The following LOC400499 variants were observed in gnomAD, a reference collection of about 807,000 sequenced individuals.
At chr16:11,411,306 G>A in the LOC400499 span, 28 of 399,486 alleles carry the variant, frequency 7.0e-5, no homozygotes, top group Middle Eastern at 6.3e-4. Context: ...GGCGATGCCG[G>A]CCTGAGAACA....
chr16:11,514,724 T>A, the LOC400499 span, among the ~76,000 whole-genome samples: 1 of 152,110 alleles, frequency 6.6e-6, no homozygotes, highest in African/African-American at 2.4e-5. Context: ...CTGGCTCGCC[T>A]GGATTGTGGC....
chr16:11,475,806 G>A, the LOC400499 span: 345 of 394,118 alleles, frequency 8.8e-4, 9 homozygotes, highest in East Asian at 0.011. Flanking sequence ...TTGGCACAGG[G>A]GCAAATTCTA....
At chr16:11,405,635 G>A in the LOC400499 span, among the ~76,000 whole-genome samples, 1 of 152,218 alleles carries the variant, frequency 6.6e-6, no homozygotes, top group South Asian at 2.1e-4. Context: ...GGTGGGGAAG[G>A]AAGTTTGCTC....
At chr16:11,497,698 A>C in the LOC400499 span, among the ~76,000 whole-genome samples, 1 of 149,174 alleles carries the variant, frequency 6.7e-6, no homozygotes, top group Non-Finnish European at 1.5e-5. Flanking sequence ...TGAGCAGTCC[A>C]CACAGTAATG....
At chr16:11,521,960 C>T in the LOC400499 span, 6 of 399,138 alleles carry the variant, frequency 1.5e-5, no homozygotes, top group African/African-American at 4.1e-5. Context: ...ACCCATAAAG[C>T]CATCTGGCAC....
chr16:11,392,747 T>A, the LOC400499 span: 2 of 983,512 alleles, frequency 2.0e-6, no homozygotes, highest in African/African-American at 3.5e-5. Flanking sequence ...TGAGGTTTTT[T>A]TTTGAGACAC....
chr16:11,463,551 CGTGT>C, the LOC400499 span, among the ~76,000 whole-genome samples: 15 of 151,960 alleles, frequency 9.9e-5, no homozygotes, highest in South Asian at 2.1e-3. Flanking sequence ...CATGTATGGA[CGTGT>C]GTGTGAACGT....
At chr16:11,457,040 C>A in the LOC400499 span, 2 of 1,516,512 alleles carry the variant, frequency 1.3e-6, no homozygotes, top group African/African-American at 2.7e-5. Flanking sequence ...GCAGCACAAA[C>A]TGGAGAATGC....
chr16:11,396,109 A>T, the LOC400499 span, among the ~76,000 whole-genome samples: 6 of 152,222 alleles, frequency 3.9e-5, no homozygotes, highest in African/African-American at 1.4e-4. Context: ...ATCTATGCCT[A>T]CGACTATATT....
the LOC400499 span, among the ~76,000 whole-genome samples, chr16:11,496,595 C>T: frequency 2.0e-5 from 3 of 152,056 alleles, no homozygotes; most frequent in Admixed American, 2.0e-4. Flanking sequence ...TGGTGGATGC[C>T]TGTGCACACG....
At chr16:11,505,174 G>A in the LOC400499 span, among the ~76,000 whole-genome samples, 3 of 150,112 alleles carry the variant, frequency 2.0e-5, no homozygotes, top group African/African-American at 7.3e-5. Flanking sequence ...GTCCTGATTT[G>A]TAGCATTTGC....
the LOC400499 span, chr16:11,472,156 C>A: frequency 3.4e-5 from 7 of 204,540 alleles, no homozygotes; most frequent in East Asian, 1.1e-4. Flanking sequence ...CCTGGGGGGT[C>A]AAAACTGCCC....
the LOC400499 span, among the ~76,000 whole-genome samples, chr16:11,413,379 C>T: frequency 2.6e-5 from 4 of 152,158 alleles, no homozygotes; most frequent in Non-Finnish European, 4.4e-5. Flanking sequence ...CCTCCTCCTA[C>T]AGCAGAGTGG....
chr16:11,480,908 C>A, the LOC400499 span, among the ~76,000 whole-genome samples: 46 of 152,324 alleles, frequency 3.0e-4, no homozygotes, highest in African/African-American at 1.1e-3. Flanking sequence ...AAAAGAAGTA[C>A]AGGAGCAGCA....
chr16:11,519,018 G>A, the LOC400499 span: 21 of 398,832 alleles, frequency 5.3e-5, no homozygotes, highest in African/African-American at 1.2e-4. Context: ...GTGATACCCC[G>A]GGAACTCGCC....
At chr16:11,444,223 C>G in the LOC400499 span, among the ~76,000 whole-genome samples, 1 of 152,158 alleles carries the variant, frequency 6.6e-6, no homozygotes, top group South Asian at 2.1e-4. Context: ...ACAGTGAGAC[C>G]TCCATCTCTA....
the LOC400499 span, among the ~76,000 whole-genome samples, chr16:11,514,025 G>C: frequency 6.6e-6 from 1 of 152,138 alleles, no homozygotes; most frequent in African/African-American, 2.4e-5. Context: ...GGAACTTTCT[G>C]GAAAATCAGG....
chr16:11,407,970 G>GTTTTTTTTTT, the LOC400499 span, among the ~76,000 whole-genome samples: 30 of 63,456 alleles, frequency 4.7e-4, 3 homozygotes, highest in African/African-American at 1.8e-3. Flanking sequence ...TTCCAGAGCT[G>GTTTTTTTTTT]TTTTTTTTTT....
the LOC400499 span, chr16:11,424,221 G>A: frequency 1.5e-5 from 6 of 399,180 alleles, no homozygotes; most frequent in East Asian, 3.6e-5. Context: ...GGACTCGGGG[G>A]TCACGTCCTC....
Sources: gnomAD v4.1 joint callset for allele counts (sites outside exome capture counted in the v4.1 genomes callset) on GRCh38, gnomAD v4.1.1 for gene constraint, MANE v1.5 for transcripts.